Variants in CWF19L1 observed in about 807,000 individuals in gnomAD.
The protein encoded by CWF19L1 is CWF19-like protein 1.
A neutral mutation model predicts 69.7 loss-of-function variants in CWF19L1; 60 were observed. The ratio of observed to expected loss-of-function variants is 0.86; its 90% CI spans 0.70 to 1.07. The LOEUF (loss-of-function observed/expected upper bound fraction) is 1.07. Among genes scored for constraint, CWF19L1 ranks in the 50% least tolerant of loss-of-function variants. CWF19L1 has a pLI of 0.00. For synonymous variants in CWF19L1, 209 were observed against 222.2 expected, an observed-to-expected ratio of 0.94 and a Z score of 0.53; for missense variants, 591 against 638.9, an observed-to-expected ratio of 0.92 and a Z score of 0.81.
chr10:100,250,022 C>T (rs751342416), intron 7 of CWF19L1: 14 of 544,750 alleles, frequency 2.6e-5, no homozygotes, highest in African/African-American at 3.8e-5. Flanking sequence ...GATATTTTGC[C>T]TTTATTCCTC....
rs375891127 is a variant in CWF19L1 at position 100,236,839 on chromosome 10, C to T, written c.1374+11G>A. The T allele has an allele frequency of 1.3e-5, 20 of 1,576,378 alleles. No individual in the cohort carries two copies. Among genetic ancestry groups the T allele is most frequent in the Non-Finnish European group, 1.5e-5 (18 of 1,166,512 alleles). ...TTACTCTTCCCTGAATATCACCATC[C>T]CCTGTTTCACCTGCTTGATGTCAGA... On this transcript the variant is annotated intron_variant, in intron 12 of 13. Coordinates refer to ENST00000354105, the MANE Select transcript of CWF19L1 (RefSeq NM_018294.6).
At chr10:100,265,470 A>G (rs1348248113) in intron 1 of CWF19L1, among the ~76,000 whole-genome samples, 1 of 137,724 alleles carries the variant, frequency 7.3e-6, no homozygotes, top group East Asian at 2.0e-4. Context: ...AGTGTCCTAC[A>G]CAGGTTGTGC....
chr10:100,240,041 C>G (rs1046592852), intron 10 of CWF19L1, among the ~76,000 whole-genome samples: 1 of 152,162 alleles, frequency 6.6e-6, no homozygotes, highest in Non-Finnish European at 1.5e-5. Context: ...AACTAAAGAG[C>G]TCCTCTGCAC....
intron 6 of CWF19L1, among the ~76,000 whole-genome samples, chr10:100,252,015 AG>A (rs1469707246): frequency 6.6e-6 from 1 of 152,158 alleles, no homozygotes; most frequent in Admixed American, 6.6e-5. Flanking sequence ...GATTATGGTA[AG>A]GGGGGTATTC....
intron 8 of CWF19L1, 106 bp downstream of exon 8, chr10:100,246,689 G>A (rs1445849769): frequency 1.7e-6 from 2 of 1,147,688 alleles, no homozygotes; most frequent in South Asian, 2.0e-5. Flanking sequence ...GATTTCCCAA[G>A]GGGAAAAAAA....
chr10:100,236,101 C>CTT (rs781285945), intron 12 of CWF19L1, among the ~76,000 whole-genome samples: 2,459 of 131,314 alleles, frequency 0.019, 88 homozygotes, highest in African/African-American at 0.064. Flanking sequence ...TCCACTGCCT[C>CTT]TTTTTTTTTT....
chr10:100,244,577 G>T (rs901806879), intron 9 of CWF19L1, among the ~76,000 whole-genome samples: 19 of 150,626 alleles, frequency 1.3e-4, no homozygotes, highest in African/African-American at 4.4e-4. Flanking sequence ...GGATGGTCTC[G>T]ATCTCCTGAC....
chr10:100,255,535 G>A (rs1242509371), intron 5 of CWF19L1, among the ~76,000 whole-genome samples: 1 of 152,192 alleles, frequency 6.6e-6, no homozygotes, highest in Non-Finnish European at 1.5e-5. Flanking sequence ...GGCCGAGGCA[G>A]GCAGATTGTC....
At chr10:100,262,751 G>A (rs1178118596) in intron 1 of CWF19L1, among the ~76,000 whole-genome samples, 3 of 152,158 alleles carry the variant, frequency 2.0e-5, no homozygotes, top group Non-Finnish European at 4.4e-5. Context: ...CTGGCCCTAC[G>A]TTGTGAAGTG....
chr10:100,248,306 CT>C, intron 7 of CWF19L1: 1 of 1,373,012 alleles, frequency 7.3e-7, no homozygotes, highest in Non-Finnish European at 1.0e-6. Flanking sequence ...TTGGCCTGGC[CT>C]TAGCTGTTGC....
chr10:100,247,402 T>A (rs887388231), intron 7 of CWF19L1, among the ~76,000 whole-genome samples: 1 of 152,236 alleles, frequency 6.6e-6, no homozygotes, highest in African/African-American at 2.4e-5. Flanking sequence ...TTCTGCTATA[T>A]ATGCTAATAA....
At chr10:100,252,885 ATTTTT>A (rs1473766677) in intron 6 of CWF19L1, among the ~76,000 whole-genome samples, 1 of 150,306 alleles carries the variant, frequency 6.7e-6, no homozygotes, top group Non-Finnish European at 1.5e-5. Context: ...CCTCTCATTT[ATTTTT>A]AATTGATAAC....
chr10:100,255,894 C>T (rs1463821332), intron 5 of CWF19L1, among the ~76,000 whole-genome samples: 1 of 151,698 alleles, frequency 6.6e-6, no homozygotes, highest in Non-Finnish European at 1.5e-5. Context: ...CGCACCACTG[C>T]ACTCCAACCT....
At chr10:100,264,432 C>A (rs1041489783) in intron 1 of CWF19L1, among the ~76,000 whole-genome samples, 5 of 151,898 alleles carry the variant, frequency 3.3e-5, no homozygotes, top group Non-Finnish European at 5.9e-5. Context: ...GTAGTCCCAG[C>A]TACTCAGGAG....
At chr10:100,261,323 C>A (rs555169922) in intron 2 of CWF19L1, among the ~76,000 whole-genome samples, 4 of 152,328 alleles carry the variant, frequency 2.6e-5, no homozygotes, top group African/African-American at 9.6e-5. Flanking sequence ...TTCAAGTGCT[C>A]CTCAAATTCC....
intron 8 of CWF19L1, chr10:100,246,174 G>C: frequency 2.7e-6 from 1 of 367,810 alleles, no homozygotes; most frequent in African/African-American, 2.0e-5. Flanking sequence ...AGTAATTCTT[G>C]CCTAAAGCAG....
Position 100,233,013 on chromosome 10 carries a change from T to C in CWF19L1, c.*214A>G. The C allele has an allele frequency of 2.7e-6, 1 of 368,686 alleles. No individual in the cohort carries two copies. Among genetic ancestry groups the C allele is most frequent in the South Asian group, 6.5e-5 (1 of 15,470 alleles). 22.8% of individuals were successfully genotyped at this position (368,686 alleles called of 1,614,324 possible). On this transcript the variant is annotated 3_prime_UTR_variant, in exon 14 of 14. Coordinates refer to ENST00000354105, the MANE Select transcript of CWF19L1 (RefSeq NM_018294.6). ...AATCAAAAAAGTTTGCCAGGCATGG[T>C]AGCATGCGCCTGTGGTCCCAGCTAC... is the stretch of plus-strand genomic sequence containing the variant.
At chr10:100,266,160 T>C (rs1310967668) in intron 1 of CWF19L1, among the ~76,000 whole-genome samples, 2 of 151,674 alleles carry the variant, frequency 1.3e-5, no homozygotes, top group Non-Finnish European at 2.9e-5. Context: ...TTCACGAATA[T>C]TTTCTTCCCA....
At position 100,238,152 on chromosome 10, in the gene CWF19L1, A is replaced by G. The variant is rs969135227; in HGVS notation, c.1124T>C (p.Val375Ala). 6.2e-7 allele frequency: 1 copy of G among 1,614,094 alleles called. No individual in the cohort carries two copies. Among genetic ancestry groups the G allele is most frequent in the South Asian group, 1.1e-5 (1 of 91,080 alleles). ...ILPIGHYQSV[V>A]ELSAEVVEEV... ...TTCTACCACCTCTGCTGAAAGCTCC[A>G]CCACTGACTGGTAGTGTCCAATAGG... Residue 375 changes from valine to alanine, a missense_variant, in exon 11 of 14, where the codon GTG becomes GCG. By Grantham distance (64) the Val-to-Ala change is moderately conservative (BLOSUM62 0). Around this residue, in one of 3 missense-constraint regions of CWF19L1, gnomAD observed 458 missense variants for 489.3 expected, o/e 0.94. Transcript: ENST00000354105.
Sources: gnomAD v4.1 joint callset for allele counts (sites outside exome capture counted in the v4.1 genomes callset) on GRCh38, gnomAD v4.1.1 for gene constraint, gnomAD v4.1.1 regional missense constraint, MANE v1.5 for transcripts, NCBI Gene and HGNC (gene_info 2026-07-23, HGNC 2026-07-21) for gene names.